The following RTF2 variants were observed in gnomAD, a reference collection of about 807,000 sequenced individuals.
RTF2 encodes replication termination factor 2.
In RTF2, 18 loss-of-function variants were observed where a neutral mutation model predicts 38.0. The ratio of observed to expected loss-of-function variants is 0.47; its 90% CI spans 0.33 to 0.70. RTF2 has a LOEUF of 0.70. Ranked by LOEUF, RTF2 falls within the 30% of genes least tolerant of loss-of-function variation. The pLI, the probability that RTF2 is intolerant of heterozygous loss-of-function variation, is 0.02. For missense variants in RTF2, 311 were observed against 379.6 expected (o/e 0.82, Z 1.50); for synonymous variants, 126 against 137.1 (o/e 0.92, Z 0.57).
intron 5 of RTF2, among the ~76,000 whole-genome samples, chr20:56,496,086 A>G (rs935348762): frequency 1.3e-5 from 2 of 152,226 alleles, no homozygotes; most frequent in South Asian, 4.1e-4. Flanking sequence ...ACTTCTTTCT[A>G]GAGAGGGAAC....
At chr20:56,491,650 G>A (rs767222021) in intron 5 of RTF2, 39 of 1,551,820 alleles carry the variant, frequency 2.5e-5, no homozygotes, top group Non-Finnish European at 3.1e-5. Flanking sequence ...CTTGAAGTCT[G>A]TGCCGCCGCT....
intron 5 of RTF2, among the ~76,000 whole-genome samples, chr20:56,504,898 C>T (rs899778924): frequency 2.6e-5 from 4 of 152,236 alleles, no homozygotes; most frequent in Admixed American, 2.0e-4. Flanking sequence ...GAGACACATG[C>T]TGCTTTTTTG....
chr20:56,516,981 T>A lies in RTF2; in HGVS notation c.638T>A (p.Val213Asp). 1.2e-6 allele frequency: 2 copies of A among 1,613,978 alleles called. No homozygotes were observed. The highest frequency in any genetic ancestry group is 2.2e-5 in the South Asian group (2 of 91,084). ...GCAGAGTCTGTTTCAAAACCAGATGTCAGTGAAGGTAAGATCCTTCAAGAG... is the reference window on the plus strand; with the variant it reads ...GCAGAGTCTGTTTCAAAACCAGATGACAGTGAAGGTAAGATCCTTCAAGAG... ...KAAESVSKPD[V>D]SEEAPGPSKV... The change falls in exon 7 of 9, where the codon GTC becomes GAC. Residue 213 changes from valine to aspartate, a missense_variant. By Grantham distance (152) the Val-to-Asp change is radical. Coordinates refer to ENST00000357348, the MANE Select transcript of RTF2 (RefSeq NM_016407.5).
At position 56,513,365 on chromosome 20, in the gene RTF2, G is replaced by A. The variant is rs979607332; in HGVS notation, c.528G>A (p.Lys176=). The A allele has an allele frequency of 2.5e-6, 4 of 1,609,294 alleles. No individual in the cohort carries two copies. The Admixed American group carries it at 5.1e-5, about 20-fold the overall frequency. ...ATGTCATCATGCTCAATGGCACCAA[G>A]GAGGATGTGGACGTGCTGAAGACAA... The part of the protein sequence containing the change: ...EDDVIMLNGT[K]EDVDVLKTRM... The change falls in exon 6 of 9, where the codon AAG becomes AAA. Residue 176 remains lysine, a synonymous_variant. Coordinates refer to ENST00000357348, the MANE Select transcript of RTF2 (RefSeq NM_016407.5).
intron 5 of RTF2, among the ~76,000 whole-genome samples, chr20:56,485,594 G>A (rs922252913): frequency 3.3e-5 from 5 of 152,184 alleles, no homozygotes; most frequent in African/African-American, 7.2e-5. Flanking sequence ...TGGGGAAGAG[G>A]TCAGTGGGGG....
At chr20:56,496,045 T>C (rs959134441) in intron 5 of RTF2, among the ~76,000 whole-genome samples, 1 of 152,194 alleles carries the variant, frequency 6.6e-6, no homozygotes, top group Non-Finnish European at 1.5e-5. Flanking sequence ...CTCAGAATTT[T>C]CCAAAGTCTC....
intron 3 of RTF2, among the ~76,000 whole-genome samples, chr20:56,475,026 A>C (rs1336095062): frequency 1.3e-5 from 2 of 152,274 alleles, no homozygotes; most frequent in East Asian, 1.9e-4. Flanking sequence ...TTCTCTATTA[A>C]TGTTAGGAGG....
Position 56,495,257 on chromosome 20 carries a change from A to T in RTF2, c.477+11068A>T, listed in dbSNP as rs529616409. 49 of 1,551,464 alleles carry T rather than the reference A, an allele frequency of 3.2e-5. No homozygotes were observed. In the East Asian group the frequency reaches 1.1e-3, roughly 36 times the overall value. On this transcript the variant is annotated intron_variant, in intron 5 of 8. Transcript: ENST00000357348. ...CACTTTTCCGCTTAATGGCTCGAAC[A>T]TTTCCTTCCCAGCCAGCGTTTGGTG... is the stretch of plus-strand genomic sequence containing the variant.
intron 8 of RTF2, among the ~76,000 whole-genome samples, chr20:56,517,872 C>T (rs1049444028): frequency 1.4e-4 from 21 of 152,074 alleles, no homozygotes; most frequent in African/African-American, 5.1e-4. Flanking sequence ...GGGGCTGGGA[C>T]CAGTGTCTGC....
At position 56,511,474 on chromosome 20, in the gene RTF2, A is replaced by C. The variant is rs1984668424; in HGVS notation, c.478-1841A>C. Among the ~76,000 whole-genome samples the C allele has an allele frequency of 3.3e-5, 5 of 152,296 alleles. No homozygotes were observed. The South Asian group carries it at 1.0e-3, about 32-fold the overall frequency. On this transcript the variant is annotated intron_variant, in intron 5 of 8. Coordinates refer to ENST00000357348, the MANE Select transcript of RTF2 (RefSeq NM_016407.5). ...CATGAGACTGGCCCCAGGTGCAAAAAAGGTTGGGAACTACTGTTTTAGATG... is the reference window on the plus strand; with the variant it reads ...CATGAGACTGGCCCCAGGTGCAAAACAGGTTGGGAACTACTGTTTTAGATG...
intron 5 of RTF2, among the ~76,000 whole-genome samples, chr20:56,503,557 G>T (rs566761535): frequency 1.3e-5 from 2 of 152,314 alleles, no homozygotes; most frequent in Admixed American, 1.3e-4. Flanking sequence ...TAAACAAAAA[G>T]TGGGGGCTAT....
chr20:56,481,776 C>T (rs926113211), intron 4 of RTF2, among the ~76,000 whole-genome samples: 1 of 152,126 alleles, frequency 6.6e-6, no homozygotes. Context: ...TTTTTATCAC[C>T]CCAAAAGGAA....
chr20:56,468,690 G>T lies in RTF2; in HGVS notation c.-8G>T, dbSNP rs1200981286. 3 of 1,573,802 alleles carry T rather than the reference G, an allele frequency of 1.9e-6. No individual in the cohort carries two copies. The highest frequency in any genetic ancestry group is 2.6e-6 in the Non-Finnish European group (3 of 1,159,920). On this transcript the variant is annotated 5_prime_UTR_variant, in exon 1 of 9. Coordinates refer to ENST00000357348, the MANE Select transcript of RTF2 (RefSeq NM_016407.5). ...GGGTTTGCTGCTGGCTCTGACTCCC[G>T]TCCTGCGATGGGTTGCGACGGGGGA... is the stretch of plus-strand genomic sequence containing the variant.
At position 56,499,499 on chromosome 20, in the gene RTF2, A is replaced by G. The variant is rs534570888; in HGVS notation, c.478-13816A>G. On this transcript the variant is annotated intron_variant, in intron 5 of 8. Transcript: ENST00000357348. The stretch of plus-strand genomic sequence containing the variant: ...CCTGGCAATACTTATGTTTATAAAC[A>G]TGAAACCATCATAATTTATACATTT... Among the ~76,000 whole-genome samples, 22 of 152,238 alleles carry G rather than the reference A, an allele frequency of 1.4e-4. No homozygotes were observed. In the South Asian group the frequency reaches 1.9e-3, roughly 13 times the overall value.
chr20:56,491,526 A>G (rs1216183395), intron 5 of RTF2: 17 of 1,323,124 alleles, frequency 1.3e-5, no homozygotes, highest in Non-Finnish European at 1.6e-5. Flanking sequence ...TCAAGGAAAC[A>G]GAATGATACC....
At chr20:56,496,948 T>C (rs1303351511) in intron 5 of RTF2, 8 of 1,551,468 alleles carry the variant, frequency 5.2e-6, no homozygotes, top group Admixed American at 2.0e-5. Flanking sequence ...TTGCTTCTGA[T>C]GTAGTGTATG....
intron 5 of RTF2, among the ~76,000 whole-genome samples, chr20:56,503,828 C>T (rs1291219947): frequency 6.6e-6 from 1 of 152,086 alleles, no homozygotes; most frequent in Non-Finnish European, 1.5e-5. Context: ...ATTAGCTGGG[C>T]ATAGTGATGT....
chr20:56,478,921 A>G (rs1982389898), intron 4 of RTF2, among the ~76,000 whole-genome samples: 2 of 152,236 alleles, frequency 1.3e-5, no homozygotes, highest in Non-Finnish European at 2.9e-5. Context: ...AATCTATCAT[A>G]ACAATATTCA....
intron 5 of RTF2, among the ~76,000 whole-genome samples, chr20:56,491,023 C>G (rs749425972): frequency 6.6e-6 from 1 of 152,156 alleles, no homozygotes; most frequent in Non-Finnish European, 1.5e-5. Context: ...TTGGGGCACC[C>G]TTTTTAACAA....
Sources: gnomAD v4.1 joint callset for allele counts (sites outside exome capture counted in the v4.1 genomes callset) on GRCh38, gnomAD v4.1.1 for gene constraint, MANE v1.5 for transcripts, NCBI Gene and HGNC (gene_info 2026-07-23, HGNC 2026-07-21) for gene names.